Variants in AASS observed in about 807,000 individuals in gnomAD.
AASS encodes the protein alpha-aminoadipic semialdehyde synthase, mitochondrial.
A neutral mutation model predicts 105.4 loss-of-function variants in AASS; 86 were observed. That is an observed-to-expected ratio of 0.82 (90% CI 0.69 to 0.98). The LOEUF (loss-of-function observed/expected upper bound fraction) is 0.98. Among genes scored for constraint, AASS ranks in the 50% least tolerant of loss-of-function variants. The pLI is 0.00. For missense variants in AASS, 1,048 were observed against 1,143.2 expected (o/e 0.92, Z 1.20); for synonymous variants, 381 against 394.8 (o/e 0.96, Z 0.41).
chr7:122,085,876 A>C, intron 19 of AASS, 136 bp downstream of exon 19: 1 of 951,556 alleles, frequency 1.1e-6, no homozygotes. Context: ...ATATTCAATC[A>C]ATCATAAGAT....
At chr7:122,115,049 A>G (rs1320086895) in intron 9 of AASS, 25 bp downstream of exon 9, 2 of 1,614,124 alleles carry the variant, frequency 1.2e-6, no homozygotes, top group South Asian at 1.1e-5. Flanking sequence ...CAAAACTACT[A>G]TCGTTGCTGA....
intron 11 of AASS, among the ~76,000 whole-genome samples, chr7:122,103,717 A>T (rs1014716692): frequency 2.0e-5 from 3 of 151,918 alleles, no homozygotes; most frequent in African/African-American, 7.2e-5. Context: ...AAAAATATTA[A>T]CTGGTTGCAC....
chr7:122,082,927 G>A (rs1379412588), intron 19 of AASS: 2 of 1,171,854 alleles, frequency 1.7e-6, no homozygotes, highest in Admixed American at 2.3e-5. Context: ...AATAGATTCT[G>A]AATAATAGAT....
At chr7:122,111,887 G>A (rs1287262717) in intron 11 of AASS, among the ~76,000 whole-genome samples, 1 of 152,134 alleles carries the variant, frequency 6.6e-6, no homozygotes, top group Admixed American at 6.6e-5. Context: ...CTGGGCAACA[G>A]GGCGAGAATC....
Position 122,098,872 on chromosome 7 carries a change from TAAAAAAAAAAAA to T in AASS, c.1407-18_1407-7del, listed in dbSNP as rs34474265. 4.8e-4 allele frequency: 563 copies of T among 1,167,180 alleles called. 8 individuals are homozygous for T. In the East Asian group the frequency reaches 0.019, roughly 40 times the overall value. 72.3% of individuals were successfully genotyped at this position (1,167,180 alleles called of 1,614,324 possible). On this transcript the variant is annotated splice_region_variant and splice_polypyrimidine_tract_variant and intron_variant, in intron 13 of 23. Transcript: ENST00000417368. ...AAAGTGACTGAGCACGTTCCCTATT[TAAAAAAAAAAAA>T]AAAAAAAAAAAAGGGAAGGGGCTAA...
In AASS at chr7:122,091,721, G is replaced by C; in HGVS notation, c.1998C>G (p.Thr666=). The stretch of plus-strand genomic sequence containing the variant: ...TCCTCACCTTTCCATCGAGCAGATA[G>C]GTGGCAGACTGCATTACATTCATCA... ...GVLMNVMQSA[T]YLLDGKVVNV... is the part of the protein sequence containing the mutation. Residue 666 remains threonine (T), a synonymous_variant, in exon 18 of 24, where the codon ACC becomes ACG. Coordinates refer to ENST00000417368, the MANE Select transcript of AASS (RefSeq NM_005763.4). The C allele has an allele frequency of 6.2e-7, 1 of 1,613,494 alleles. No homozygotes were observed. Among genetic ancestry groups the C allele is most frequent in the Non-Finnish European group, 8.5e-7 (1 of 1,179,620 alleles).
At chr7:122,085,940 A>G (rs1584815992) in intron 19 of AASS, 72 bp downstream of exon 19, 3 of 1,546,874 alleles carry the variant, frequency 1.9e-6, no homozygotes, top group East Asian at 4.5e-5. Flanking sequence ...TTTGACTACT[A>G]AGAAAAATTA....
intron 23 of AASS, 58 bp from the exon 24 acceptor site, chr7:122,076,665 C>T: frequency 7.6e-7 from 1 of 1,308,468 alleles, no homozygotes; most frequent in Non-Finnish European, 1.1e-6. Flanking sequence ...GGTTAATTTC[C>T]CCATCAAGAG....
chr7:122,096,662 G>A (rs1295196081), intron 15 of AASS, among the ~76,000 whole-genome samples: 3 of 151,898 alleles, frequency 2.0e-5, no homozygotes, highest in African/African-American at 7.3e-5. Context: ...AATGTTATAG[G>A]ATAACATTGT....
intron 1 of AASS, 94 bp from the exon 2 acceptor site, chr7:122,133,835 C>G: frequency 1.9e-6 from 2 of 1,061,400 alleles, no homozygotes; most frequent in South Asian, 1.3e-5. Context: ...AAATACAACC[C>G]GCTCTTATGA....
intron 1 of AASS, among the ~76,000 whole-genome samples, chr7:122,135,573 G>A (rs774506249): frequency 3.9e-5 from 6 of 152,116 alleles, no homozygotes; most frequent in Non-Finnish European, 7.4e-5. Flanking sequence ...GGCTTACTAT[G>A]ATGAATGTAA....
intron 1 of AASS, among the ~76,000 whole-genome samples, chr7:122,139,989 T>G (rs1444139336): frequency 6.6e-6 from 1 of 152,108 alleles, no homozygotes; most frequent in African/African-American, 2.4e-5. Flanking sequence ...AATGATGTAT[T>G]TAATTTTTGC....
intron 4 of AASS, among the ~76,000 whole-genome samples, chr7:122,119,443 A>G (rs1398586512): frequency 2.0e-5 from 3 of 152,062 alleles, no homozygotes; most frequent in Non-Finnish European, 4.4e-5. Flanking sequence ...TGTCTGTCTC[A>G]ATTTGGATGT....
At position 122,076,603 on chromosome 7, in the gene AASS, T is replaced by A. The variant is rs1004095096; in HGVS notation, c.2667A>T (p.Glu889Asp). 3.1e-6 allele frequency: 5 copies of A among 1,601,080 alleles called. No homozygotes were observed. In the African/African-American group the frequency reaches 6.7e-5, roughly 21 times the overall value. ...GCCCCATTAGGCCTTTGGCTCCAAT[T>A]TCACCTGGAAGAAAATAAATGTGTA... ...AMAAKMLLDGEIGAKGLMGPF... is the reference protein window; with the variant it reads ...AMAAKMLLDGDIGAKGLMGPF... The change falls in exon 24 of 24, where the codon GAA becomes GAT. Residue 889 changes from glutamate (E) to aspartate (D), a missense_variant. Glu to Asp is a conservative substitution (Grantham distance 45, BLOSUM62 2). Coordinates refer to ENST00000417368, the MANE Select transcript of AASS (RefSeq NM_005763.4).
rs576632846 is a variant in AASS at position 122,080,547 on chromosome 7, A to C, written c.2281-835T>G. 7.2e-5 allele frequency among the ~76,000 whole-genome samples: 11 copies of C among 152,320 alleles called. No homozygotes were observed. The South Asian group carries it at 1.9e-3, about 26-fold the overall frequency. ...CTTGTTCACTCCTACCCAACAAGTAAGTTTATGAAAGGTAAAACTTAAGAT... is the reference window on the plus strand; with the variant it reads ...CTTGTTCACTCCTACCCAACAAGTACGTTTATGAAAGGTAAAACTTAAGAT... On this transcript the variant is annotated intron_variant, in intron 20 of 23. Coordinates refer to ENST00000417368, the MANE Select transcript of AASS (RefSeq NM_005763.4).
At chr7:122,113,006 A>T in intron 11 of AASS, 112 bp downstream of exon 11, 1 of 862,870 alleles carries the variant, frequency 1.2e-6, no homozygotes, top group Non-Finnish European at 1.9e-6. Flanking sequence ...AAGGGCTGGC[A>T]TTTCATTTTA....
chr7:122,115,432 A>C (rs1297671038), intron 8 of AASS, among the ~76,000 whole-genome samples: 1 of 152,198 alleles, frequency 6.6e-6, no homozygotes, highest in East Asian at 1.9e-4. Flanking sequence ...TGATAGAGAA[A>C]TATATGACTA....
chr7:122,079,513 G>A, intron 21 of AASS, 84 bp downstream of exon 21: 1 of 1,212,734 alleles, frequency 8.2e-7, no homozygotes, highest in Non-Finnish European at 1.2e-6. Context: ...AAAGACAAAT[G>A]TAAAATATTT....
In AASS at chr7:122,076,188, AC is replaced by A. The variant is rs1792996101; in HGVS notation, c.*300del. On this transcript the variant is annotated 3_prime_UTR_variant, in exon 24 of 24. Transcript: ENST00000417368. ...GACTCCATCTCAAAAAACAACAACA[AC>A]AAAAAAAAAACAAAAGAAAAAAAGT... 87 of 310,382 alleles carry A rather than the reference AC, an allele frequency of 2.8e-4. No individual in the cohort carries two copies. Among genetic ancestry groups the A allele is most frequent in the Non-Finnish European group, 4.2e-4 (69 of 164,164 alleles). The allele number at this position is 310,382 out of a possible 1,614,324, so 19.2% of individuals were successfully genotyped here.
Sources: gnomAD v4.1 joint callset for allele counts (sites outside exome capture counted in the v4.1 genomes callset) on GRCh38, gnomAD v4.1.1 for gene constraint, MANE v1.5 for transcripts, NCBI Gene and HGNC (gene_info 2026-07-23, HGNC 2026-07-21) for gene names.